Variants in PAQR5 observed in about 807,000 individuals in gnomAD.
PAQR5 encodes progestin and adipoQ receptor family member 5.
PAQR5 carries 20 observed loss-of-function variants against 34.5 expected under a neutral mutation model. The observed-to-expected ratio is 0.58, with a 90% CI of 0.41 to 0.84. PAQR5 has a LOEUF of 0.84. PAQR5 is among the 40% of genes least tolerant of loss of function. PAQR5 has a pLI of 0.00. For missense variants in PAQR5, 378 were observed against 412.7 expected, an observed-to-expected ratio of 0.92 and a Z score of 0.73; for synonymous variants, 131 against 155.6, an observed-to-expected ratio of 0.84 and a Z score of 1.18.
intron 2 of PAQR5, among the ~76,000 whole-genome samples, chr15:69,354,471 A>G (rs900453576): frequency 6.6e-6 from 1 of 152,240 alleles, no homozygotes; most frequent in African/African-American, 2.4e-5. Context: ...AGATATCAAG[A>G]GAAGAATAAA....
intron 2 of PAQR5, among the ~76,000 whole-genome samples, chr15:69,346,072 G>C (rs1337244091): frequency 1.3e-5 from 2 of 152,136 alleles, no homozygotes; most frequent in African/African-American, 4.8e-5. Context: ...GATGTTTCTA[G>C]ACCTCTGCAG....
chr15:69,344,809 G>A (rs2054726557), intron 2 of PAQR5, among the ~76,000 whole-genome samples: 1 of 152,222 alleles, frequency 6.6e-6, no homozygotes, highest in East Asian at 1.9e-4. Flanking sequence ...TGAAATATGA[G>A]TGGAGGCTGG....
At chr15:69,325,640 C>T (rs192480393) in intron 1 of PAQR5, among the ~76,000 whole-genome samples, 84 of 152,100 alleles carry the variant, frequency 5.5e-4, no homozygotes, top group Non-Finnish European at 9.8e-4. Flanking sequence ...CAAGCATATT[C>T]CTGCCCACTC....
rs958983947 is a variant in PAQR5, at chr15:69,406,835, G to C, written c.*3013G>C. 6.6e-6 allele frequency: 1 copy of C among 151,302 alleles called. No homozygotes were observed. The highest frequency in any genetic ancestry group is 6.6e-5 in the Admixed American group (1 of 15,202). 9.4% of individuals were successfully genotyped at this position (151,302 alleles called of 1,614,324 possible). On this transcript the variant is annotated 3_prime_UTR_variant, in exon 9 of 9. Coordinates refer to ENST00000395407, the MANE Select transcript of PAQR5 (RefSeq NM_017705.4). The stretch of plus-strand genomic sequence containing the variant: ...CAGTGAGCTATGATTGCGCCATTGC[G>C]CTCCAGACTGGGCAACAGGGCAAGA...
chr15:69,398,399 C>T (rs542609236), intron 7 of PAQR5, among the ~76,000 whole-genome samples: 1 of 152,332 alleles, frequency 6.6e-6, no homozygotes, highest in African/African-American at 2.4e-5. Context: ...ACACACAACT[C>T]TCTAAGCCTC....
intron 1 of PAQR5, among the ~76,000 whole-genome samples, chr15:69,302,791 C>A (rs2053633703): frequency 6.6e-6 from 1 of 152,158 alleles, no homozygotes; most frequent in Non-Finnish European, 1.5e-5. Flanking sequence ...TCCCCACCAC[C>A]CCTGAGAGCT....
intron 1 of PAQR5, among the ~76,000 whole-genome samples, chr15:69,333,808 A>G (rs1043796073): frequency 6.6e-6 from 1 of 152,142 alleles, no homozygotes; most frequent in Non-Finnish European, 1.5e-5. Context: ...CAGTCACCCA[A>G]TTAAGAAACT....
chr15:69,403,570 G>A lies in PAQR5; in HGVS notation c.752-11G>A, dbSNP rs373449410. 6.2e-7 allele frequency: 1 copy of A among 1,613,050 alleles called. No individual in the cohort carries two copies. The highest frequency in any genetic ancestry group is 8.5e-7 in the Non-Finnish European group (1 of 1,179,158). ...ATTGCTGATCTTGACGGCCTTTTGT[G>A]TTTGCCATAGGTCACAGTCACCAGC... On this transcript the variant is annotated splice_polypyrimidine_tract_variant and intron_variant, in intron 8 of 8. Transcript: ENST00000395407.
chr15:69,302,797 G>A (rs2053633927), intron 1 of PAQR5, among the ~76,000 whole-genome samples: 1 of 152,142 alleles, frequency 6.6e-6, no homozygotes, highest in South Asian at 2.1e-4. Flanking sequence ...CCACCCCTGA[G>A]AGCTGTCCCT....
chr15:69,330,724 T>A lies in PAQR5; in HGVS notation c.-276-6617T>A, dbSNP rs545695551. ...ATCCTTAAAAACTCTGCTCCAGGAA[T>A]GCTTGGGGAGACTTATTTGAGTAAT... On this transcript the variant is annotated intron_variant, in intron 1 of 8. Transcript: ENST00000395407. Among the ~76,000 whole-genome samples the A allele has an allele frequency of 2.0e-5, 3 of 152,338 alleles. No homozygotes were observed. In the East Asian group the frequency reaches 5.8e-4, roughly 29 times the overall value.
rs74466653 is a variant in PAQR5, at chr15:69,326,987, C to A, written c.-276-10354C>A. 6.5e-3 allele frequency among the ~76,000 whole-genome samples: 988 copies of A among 151,834 alleles called. 12 individuals carry two copies. Among genetic ancestry groups the A allele is most frequent in the African/African-American group, 0.021 (877 of 41,396 alleles). On this transcript the variant is annotated intron_variant, in intron 1 of 8. Transcript: ENST00000395407. ...TGTCATGTTTCCACCATTACAGTAT[C>A]ATGCTGGGTTTTTTTTTTAGATGAG...
chr15:69,403,196 T>C (rs780012951), intron 8 of PAQR5, among the ~76,000 whole-genome samples: 1 of 152,270 alleles, frequency 6.6e-6, no homozygotes, highest in Non-Finnish European at 1.5e-5. Context: ...GATTTGGTTT[T>C]CTCTGATGGG....
intron 1 of PAQR5, among the ~76,000 whole-genome samples, chr15:69,318,224 G>A (rs1443657248): frequency 6.6e-6 from 1 of 152,224 alleles, no homozygotes; most frequent in Non-Finnish European, 1.5e-5. Context: ...TGATGAAGTG[G>A]GGCTCGGGCT....
At chr15:69,334,421 G>C (rs939310526) in intron 1 of PAQR5, among the ~76,000 whole-genome samples, 1 of 152,152 alleles carries the variant, frequency 6.6e-6, no homozygotes. Flanking sequence ...TATCAGATTT[G>C]CTAAATGCTT....
At chr15:69,345,325 T>C (rs940371762) in intron 2 of PAQR5, among the ~76,000 whole-genome samples, 2 of 152,204 alleles carry the variant, frequency 1.3e-5, no homozygotes, top group Non-Finnish European at 2.9e-5. Flanking sequence ...GTTTTTGGAC[T>C]CTCTCATTGG....
chr15:69,388,887 C>T (rs965236570), intron 5 of PAQR5, among the ~76,000 whole-genome samples: 1 of 152,240 alleles, frequency 6.6e-6, no homozygotes, highest in African/African-American at 2.4e-5. Flanking sequence ...GGGGAGACCT[C>T]AGGAGGTGAG....
intron 1 of PAQR5, among the ~76,000 whole-genome samples, chr15:69,335,815 TAA>T (rs1379651355): frequency 1.3e-5 from 2 of 152,168 alleles, no homozygotes; most frequent in African/African-American, 4.8e-5. Context: ...TGGAAATTTG[TAA>T]AGAGTTCTAA....
At chr15:69,304,780 A>G (rs1311849965) in intron 1 of PAQR5, among the ~76,000 whole-genome samples, 1 of 152,178 alleles carries the variant, frequency 6.6e-6, no homozygotes, top group African/African-American at 2.4e-5. Flanking sequence ...CCTTTGACCA[A>G]GATGGTCAGG....
chr15:69,342,855 G>C (rs2054677256), intron 2 of PAQR5, among the ~76,000 whole-genome samples: 1 of 152,176 alleles, frequency 6.6e-6, no homozygotes, highest in Non-Finnish European at 1.5e-5. Context: ...CTCCAGCCAC[G>C]CTCAGACCCT....
Sources: gnomAD v4.1 joint callset for allele counts (sites outside exome capture counted in the v4.1 genomes callset) on GRCh38, gnomAD v4.1.1 for gene constraint, MANE v1.5 for transcripts, NCBI Gene and HGNC (gene_info 2026-07-23, HGNC 2026-07-21) for gene names.